The following LYST variants were observed in gnomAD, a reference collection of about 807,000 sequenced individuals.
LYST encodes the protein lysosomal trafficking regulator.
A neutral mutation model predicts 413.6 loss-of-function variants in LYST; 192 were observed. That is an observed-to-expected ratio of 0.46 (90% CI 0.41 to 0.52). The LOEUF is 0.52. Ranked by LOEUF, LYST falls within the 20% of genes least tolerant of loss-of-function variation. The probability of loss-of-function intolerance (pLI) is 0.00; values close to 1 mark genes in which losing one functional copy is unlikely to be tolerated. For missense variants in LYST, 3,815 were observed against 4,499.9 expected (o/e 0.85, Z 4.35); for synonymous variants, 1,525 against 1,567.3 (o/e 0.97, Z 0.64).
intron 48 of LYST, among the ~76,000 whole-genome samples, chr1:235,685,025 T>C (rs1660098806): frequency 6.6e-6 from 1 of 152,160 alleles, no homozygotes; most frequent in South Asian, 2.1e-4. Flanking sequence ...CCCCAACACG[T>C]TACACTCTAA....
chr1:235,773,744 G>T, intron 19 of LYST, 98 bp downstream of exon 19: 1 of 912,264 alleles, frequency 1.1e-6, no homozygotes, highest in Non-Finnish European at 1.8e-6. Flanking sequence ...TGCACTTAAT[G>T]CCACTGAACT....
Position 235,808,463 on chromosome 1 carries a change from A to T in LYST, c.2355T>A (p.Leu785=), listed in dbSNP as rs3768066. The change falls in exon 5 of 53, where the codon CTT becomes CTA. Residue 785 remains leucine (L), a synonymous_variant. Transcript: ENST00000389793. ...QIYVKTLPIL[L]KSRVIRDLFL... is the part of the protein sequence containing the mutation. The stretch of plus-strand genomic sequence containing the variant: ...CCCACACACATACAAACCTGGATTT[A>T]AGCAGGATAGGCAGAGTTTTTACAT... 6.2e-7 allele frequency: 1 copy of T among 1,612,472 alleles called. No homozygotes were observed. Among genetic ancestry groups the T allele is most frequent in the South Asian group, 1.1e-5 (1 of 91,006 alleles).
intron 1 of LYST, among the ~76,000 whole-genome samples, chr1:235,852,053 A>C (rs1432915699): frequency 6.6e-6 from 1 of 152,292 alleles, no homozygotes; most frequent in East Asian, 1.9e-4. Flanking sequence ...TTCTTGACAA[A>C]TACTGAACTT....
chr1:235,879,477 T>TA (rs556850546), intron 1 of LYST, among the ~76,000 whole-genome samples: 282 of 152,328 alleles, frequency 1.9e-3, no homozygotes, highest in Middle Eastern at 6.8e-3. Flanking sequence ...ACTGGCTGTC[T>TA]AACCAGACAC....
chr1:235,713,880 A>G (rs1330553127), intron 42 of LYST, among the ~76,000 whole-genome samples: 1 of 152,244 alleles, frequency 6.6e-6, no homozygotes, highest in Admixed American at 6.5e-5. Context: ...TAAATACATA[A>G]TGAAGAAAAC....
chr1:235,818,248 A>G (rs1449014994), intron 3 of LYST, among the ~76,000 whole-genome samples: 1 of 152,134 alleles, frequency 6.6e-6, no homozygotes, highest in Non-Finnish European at 1.5e-5. Context: ...TGTAGGTTGG[A>G]CAGGTAGGCA....
chr1:235,856,560 A>G (rs938456365), intron 1 of LYST, among the ~76,000 whole-genome samples: 2 of 152,246 alleles, frequency 1.3e-5, no homozygotes, highest in East Asian at 1.9e-4. Context: ...GATTAAAATT[A>G]TACATCTTCA....
intron 34 of LYST, among the ~76,000 whole-genome samples, chr1:235,732,058 T>C (rs898118902): frequency 4.6e-5 from 7 of 151,840 alleles, no homozygotes; most frequent in African/African-American, 9.7e-5. Flanking sequence ...CTGGTAGCGG[T>C]TGTTGTCTTT....
chr1:235,756,973 TG>T (rs1667109875), intron 24 of LYST, among the ~76,000 whole-genome samples: 1 of 152,102 alleles, frequency 6.6e-6, no homozygotes, highest in African/African-American at 2.4e-5. Flanking sequence ...ATTTACTAAG[TG>T]TTCAGATATG....
chr1:235,701,088 C>G (rs1017860604), intron 45 of LYST, among the ~76,000 whole-genome samples: 3 of 152,010 alleles, frequency 2.0e-5, no homozygotes, highest in African/African-American at 7.3e-5. Context: ...GATGTCTGAG[C>G]AGAGACTTGA....
chr1:235,737,956 C>CAT, intron 31 of LYST: 1 of 1,267,934 alleles, frequency 7.9e-7, no homozygotes, highest in East Asian at 3.2e-5. Context: ...ACCCGCCGGA[C>CAT]GTGCATTCTC....
At chr1:235,792,686 G>A (rs1385543234) in intron 11 of LYST, among the ~76,000 whole-genome samples, 1 of 134,968 alleles carries the variant, frequency 7.4e-6, no homozygotes, top group Non-Finnish European at 1.6e-5. Flanking sequence ...TTTTTGAGAT[G>A]CAGTTTAGCT....
At chr1:235,861,468 T>C (rs1202208978) in intron 1 of LYST, among the ~76,000 whole-genome samples, 1 of 152,134 alleles carries the variant, frequency 6.6e-6, no homozygotes, top group Non-Finnish European at 1.5e-5. Context: ...CAAAATAAAA[T>C]AATATCAAAG....
intron 1 of LYST, among the ~76,000 whole-genome samples, chr1:235,842,939 A>T (rs755699669): frequency 2.7e-4 from 41 of 152,202 alleles, no homozygotes; most frequent in Non-Finnish European, 5.0e-4. Context: ...TTCTTGACAC[A>T]GAGAACTACT....
chr1:235,703,269 A>G (rs1162896028), intron 44 of LYST, among the ~76,000 whole-genome samples: 1 of 152,208 alleles, frequency 6.6e-6, no homozygotes, highest in Non-Finnish European at 1.5e-5. Flanking sequence ...TAAATTATTG[A>G]AGAAGTTGCT....
At chr1:235,746,118 T>C (rs1665898592) in intron 29 of LYST, among the ~76,000 whole-genome samples, 1 of 152,332 alleles carries the variant, frequency 6.6e-6, no homozygotes, top group South Asian at 2.1e-4. Context: ...AAGTGCCATA[T>C]GGTTTTAAAC....
intron 14 of LYST, among the ~76,000 whole-genome samples, chr1:235,786,150 T>C (rs1336696924): frequency 6.6e-6 from 1 of 152,214 alleles, no homozygotes; most frequent in Non-Finnish European, 1.5e-5. Context: ...TTCTTTGATA[T>C]ATAGTTATAC....
intron 1 of LYST, among the ~76,000 whole-genome samples, chr1:235,856,774 T>C (rs1163329479): frequency 6.6e-6 from 1 of 152,072 alleles, no homozygotes; most frequent in South Asian, 2.1e-4. Flanking sequence ...TTTGGAAGCA[T>C]CACTAAGCAG....
intron 8 of LYST, 145 bp downstream of exon 8, chr1:235,802,763 T>C: frequency 1.4e-6 from 1 of 737,336 alleles, no homozygotes; most frequent in East Asian, 2.7e-5. Flanking sequence ...GCCAGACTGT[T>C]GGGAAGATCA....
Sources: gnomAD v4.1 joint callset for allele counts (sites outside exome capture counted in the v4.1 genomes callset) on GRCh38, gnomAD v4.1.1 for gene constraint, MANE v1.5 for transcripts, NCBI Gene and HGNC (gene_info 2026-07-23, HGNC 2026-07-21) for gene names.